The following GMPR variants were observed in gnomAD, a reference collection of about 807,000 sequenced individuals.
GMPR encodes guanosine monophosphate reductase.
GMPR carries 31 observed loss-of-function variants against 38.4 expected under a neutral mutation model. That is an observed-to-expected ratio of 0.81 (90% CI 0.61 to 1.09). GMPR has a LOEUF of 1.09. Ranked by LOEUF, GMPR falls within the 50% of genes least tolerant of loss-of-function variation. The probability of loss-of-function intolerance (pLI) is 0.00; values close to 1 mark genes in which losing one functional copy is unlikely to be tolerated. For synonymous variants in GMPR, 162 were observed against 173.3 expected (o/e 0.93, Z 0.51); for missense variants, 468 against 453.7 (o/e 1.03, Z -0.29).
intron 5 of GMPR, 99 bp downstream of exon 5, chr6:16,274,595 C>T: frequency 1.4e-6 from 1 of 721,442 alleles, no homozygotes; most frequent in Non-Finnish European, 2.5e-6. Context: ...GCATGAATGA[C>T]TCATTCACAG....
chr6:16,244,775 A>G (rs1403265570), intron 1 of GMPR, among the ~76,000 whole-genome samples: 1 of 152,106 alleles, frequency 6.6e-6, no homozygotes, highest in Non-Finnish European at 1.5e-5. Context: ...GGCCTGGGTT[A>G]TGTGTGTGTG....
At chr6:16,262,177 C>T (rs1759099862) in intron 4 of GMPR, 1 of 151,576 alleles carries the variant, frequency 6.6e-6, no homozygotes, top group South Asian at 2.1e-4. Context: ...ACAGACTTAC[C>T]CTCCACTGTG....
chr6:16,252,035 C>T (rs1459184024), intron 3 of GMPR, among the ~76,000 whole-genome samples: 1 of 152,066 alleles, frequency 6.6e-6, no homozygotes, highest in East Asian at 1.9e-4. Flanking sequence ...GTCTCACTGG[C>T]TTTTTGGGGT....
intron 1 of GMPR, among the ~76,000 whole-genome samples, chr6:16,244,588 T>G (rs1466551183): frequency 6.6e-6 from 1 of 151,978 alleles, no homozygotes; most frequent in Non-Finnish European, 1.5e-5. Flanking sequence ...GCAGCAGAGA[T>G]GTGTGTTTGT....
At chr6:16,279,555 A>G (rs1441933581) in intron 6 of GMPR, among the ~76,000 whole-genome samples, 2 of 152,258 alleles carry the variant, frequency 1.3e-5, no homozygotes, top group African/African-American at 4.8e-5. Flanking sequence ...AGTTCAACCC[A>G]TAACAGGCCA....
At chr6:16,251,734 G>T (rs942214211) in intron 3 of GMPR, among the ~76,000 whole-genome samples, 1 of 152,010 alleles carries the variant, frequency 6.6e-6, no homozygotes, top group African/African-American at 2.4e-5. Context: ...CTTTGGGAGG[G>T]TTATGAAAAT....
intron 4 of GMPR, among the ~76,000 whole-genome samples, chr6:16,264,968 A>G (rs1440992157): frequency 6.6e-6 from 1 of 152,202 alleles, no homozygotes; most frequent in African/African-American, 2.4e-5. Context: ...TTGTCAGAAA[A>G]GGTCCTATTG....
At position 16,254,630 on chromosome 6, in the gene GMPR, G is replaced by A. The variant is rs182362634; in HGVS notation, c.360G>A (p.Val120=). ...AGATGACCAGCATCCTGGAAGCTGT[G>A]CCACAGGTTAAGTTTATTTGCCTGG... The part of the protein sequence containing the change: ...LEKMTSILEA[V]PQVKFICLDV... Residue 120 remains valine, a synonymous_variant, in exon 4 of 9, where the codon GTG becomes GTA. Transcript: ENST00000259727. 38 of 1,613,682 alleles carry A rather than the reference G, an allele frequency of 2.4e-5. No individual in the cohort carries two copies. The Admixed American group carries it at 6.2e-4, about 26-fold the overall frequency.
At chr6:16,281,516 A>AT (rs1186499174) in intron 6 of GMPR, among the ~76,000 whole-genome samples, 1 of 150,314 alleles carries the variant, frequency 6.7e-6, no homozygotes, top group Non-Finnish European at 1.5e-5. Context: ...TTTATTTTTT[A>AT]TTTTTTTGAG....
rs1561827893 is a variant in GMPR, at chr6:16,266,980, GA to G, written c.466-7434del. 5.3e-4 allele frequency among the ~76,000 whole-genome samples: 80 copies of G among 151,512 alleles called. 2 individuals are homozygous for G. Among genetic ancestry groups the G allele is most frequent in the African/African-American group, 1.8e-3 (73 of 41,324 alleles). On this transcript the variant is annotated intron_variant, in intron 4 of 8. Coordinates refer to ENST00000259727, the MANE Select transcript of GMPR (RefSeq NM_006877.4). ...AAGTCGGCGTAGACCATGAACCCAC[GA>G]GGAGGAACGAACAACTCTGGGTGCG...
At chr6:16,244,993 G>C (rs1317226948) in intron 1 of GMPR, among the ~76,000 whole-genome samples, 1 of 152,160 alleles carries the variant, frequency 6.6e-6, no homozygotes, top group Non-Finnish European at 1.5e-5. Context: ...GCCGGGTGCA[G>C]AGTGTAGCAG....
In GMPR at chr6:16,256,076, C is replaced by T. The variant is rs948911842; in HGVS notation, c.465+1341C>T. ...ACTAAAAATACAAAAATTAGCCAGC[C>T]GTGATGGCGGGTGCCTGTAATCCCA... On this transcript the variant is annotated intron_variant, in intron 4 of 8. Coordinates refer to ENST00000259727, the MANE Select transcript of GMPR (RefSeq NM_006877.4). Among the ~76,000 whole-genome samples the T allele has an allele frequency of 3.3e-5, 5 of 151,486 alleles. No homozygotes were observed. The East Asian group carries it at 5.9e-4, about 18-fold the overall frequency.
In GMPR at chr6:16,253,293, G is replaced by A. The variant is rs184797292; in HGVS notation, c.292-1269G>A. Among the ~76,000 whole-genome samples, 30 of 152,360 alleles carry A rather than the reference G, an allele frequency of 2.0e-4. 1 individual carries two copies. The East Asian group carries it at 5.4e-3, about 27-fold the overall frequency. On this transcript the variant is annotated intron_variant, in intron 3 of 8. Transcript: ENST00000259727. ...GTGTACAGGTTGAGATTTGCATGCTGTATTAGGTTGTTCTTGCATTGCTTT... is the reference window on the plus strand; with the variant it reads ...GTGTACAGGTTGAGATTTGCATGCTATATTAGGTTGTTCTTGCATTGCTTT...
chr6:16,254,345 A>C (rs1402486678), intron 3 of GMPR, among the ~76,000 whole-genome samples: 1 of 152,226 alleles, frequency 6.6e-6, no homozygotes, highest in Non-Finnish European at 1.5e-5. Context: ...GGATTACAGC[A>C]TGAGCCACCG....
intron 6 of GMPR, among the ~76,000 whole-genome samples, chr6:16,281,537 G>C (rs1759574049): frequency 6.6e-6 from 1 of 151,654 alleles, no homozygotes; most frequent in Non-Finnish European, 1.5e-5. Context: ...ATGGAGTCTT[G>C]CTGTATCGCC....
chr6:16,273,690 G>T (rs1457112006), intron 4 of GMPR, among the ~76,000 whole-genome samples: 3 of 152,012 alleles, frequency 2.0e-5, no homozygotes, highest in Non-Finnish European at 2.9e-5. Context: ...ACTCTCTGGG[G>T]TTCCATAAAG....
chr6:16,253,321 A>G (rs1351481105), intron 3 of GMPR, among the ~76,000 whole-genome samples: 1 of 152,262 alleles, frequency 6.6e-6, no homozygotes, highest in African/African-American at 2.4e-5. Context: ...ATTGCTTTAG[A>G]GAAATACCTG....
At position 16,295,166 on chromosome 6, in the gene GMPR, C is replaced by T. The variant is rs777817886; in HGVS notation, c.1018C>T (p.His340Tyr). The T allele has an allele frequency of 1.0e-5, 16 of 1,539,056 alleles. No homozygotes were observed. Among genetic ancestry groups the T allele is most frequent in the Non-Finnish European group, 1.3e-5 (15 of 1,150,026 alleles). Residue 340 changes from histidine to tyrosine, a missense_variant, in exon 9 of 9, where the codon CAC becomes TAC. By Grantham distance (83) the His-to-Tyr change is moderately conservative. Transcript: ENST00000259727. Reference sequence around the variant, plus strand: ...AACATTCATCCGGGTGACCCAGCAGCACAACACCGTGTTCAGCTAACCCTG... The same window carrying T: ...AACATTCATCCGGGTGACCCAGCAGTACAACACCGTGTTCAGCTAACCCTG... ...RATFIRVTQQ[H>Y]NTVFS is the part of the protein sequence containing the mutation.
intron 1 of GMPR, among the ~76,000 whole-genome samples, chr6:16,242,865 C>T (rs903038766): frequency 4.6e-4 from 70 of 152,196 alleles, no homozygotes; most frequent in Non-Finnish European, 5.9e-4. Context: ...CTTGAACTCT[C>T]GACCTCAGGT....
Sources: gnomAD v4.1 joint callset for allele counts (sites outside exome capture counted in the v4.1 genomes callset) on GRCh38, gnomAD v4.1.1 for gene constraint, MANE v1.5 for transcripts, NCBI Gene and HGNC (gene_info 2026-07-23, HGNC 2026-07-21) for gene names.